Variants in CFAP20DC observed in about 807,000 individuals in gnomAD.
CFAP20DC encodes CFAP20 domain containing, also known as protein CFAP20DC.
A neutral mutation model predicts 101.7 loss-of-function variants in CFAP20DC; 84 were observed. The observed-to-expected ratio is 0.83, with a 90% confidence interval of 0.69 to 0.99. CFAP20DC has a LOEUF of 0.99. Ranked by LOEUF, CFAP20DC falls within the 50% of genes least tolerant of loss-of-function variation. The pLI is 0.00. For synonymous variants in CFAP20DC, 359 were observed against 351.2 expected (o/e 1.02, Z -0.25); for missense variants, 1,007 against 970.3 (o/e 1.04, Z -0.50).
chr3:58,805,338 C>T (rs1020605175), intron 15 of CFAP20DC, among the ~76,000 whole-genome samples: 2 of 152,300 alleles, frequency 1.3e-5, no homozygotes, highest in Middle Eastern at 3.4e-3. Flanking sequence ...TGCCTGGCTG[C>T]CTCTTGCCTT....
chr3:58,865,929 T>C lies in CFAP20DC; in HGVS notation c.1258+637A>G, dbSNP rs559525179. On this transcript the variant is annotated intron_variant, in intron 11 of 16. Transcript: ENST00000482387. The stretch of plus-strand genomic sequence containing the variant: ...TCAAGTATTTCCATATCAATTGTAA[T>C]GAATAATTTGGTGTGTTTTCTTAGA... Among the ~76,000 whole-genome samples the C allele has an allele frequency of 3.1e-4, 47 of 152,304 alleles. 2 individuals carry two copies. The South Asian group carries it at 9.5e-3, about 31-fold the overall frequency.
intron 4 of CFAP20DC, among the ~76,000 whole-genome samples, chr3:59,035,665 G>A (rs2094086682): frequency 1.3e-5 from 2 of 152,080 alleles, no homozygotes; most frequent in African/African-American, 4.8e-5. Context: ...GAATCCCTGA[G>A]TAGACTAATA....
chr3:58,754,771 C>T (rs1350161471), intron 15 of CFAP20DC, among the ~76,000 whole-genome samples: 2 of 152,162 alleles, frequency 1.3e-5, no homozygotes, highest in African/African-American at 2.4e-5. Flanking sequence ...GCTCTGCAGG[C>T]CAGTTCCAGC....
chr3:58,910,671 G>T (rs2084057525), intron 6 of CFAP20DC, among the ~76,000 whole-genome samples: 1 of 151,980 alleles, frequency 6.6e-6, no homozygotes, highest in Admixed American at 6.6e-5. Flanking sequence ...TTATATTTCT[G>T]TTTCTTCTAG....
chr3:58,893,863 AAAAG>A (rs1576185534), intron 6 of CFAP20DC, among the ~76,000 whole-genome samples: 2 of 152,086 alleles, frequency 1.3e-5, no homozygotes, highest in East Asian at 3.9e-4. Flanking sequence ...GGCAATTTAT[AAAAG>A]AAAGAGGTTT....
At chr3:58,879,406 T>C (rs2081049812) in intron 7 of CFAP20DC, among the ~76,000 whole-genome samples, 1 of 152,190 alleles carries the variant, frequency 6.6e-6, no homozygotes, top group African/African-American at 2.4e-5. Context: ...ATGTAAAGGG[T>C]TCAGTGCTTA....
At chr3:58,845,202 C>A (rs1488831147) in intron 13 of CFAP20DC, among the ~76,000 whole-genome samples, 1 of 150,112 alleles carries the variant, frequency 6.7e-6, no homozygotes, top group African/African-American at 2.4e-5. Flanking sequence ...AAAAACCCTT[C>A]AAAAAATTAA....
At chr3:58,993,492 T>G (rs1029243492) in intron 4 of CFAP20DC, among the ~76,000 whole-genome samples, 1 of 152,240 alleles carries the variant, frequency 6.6e-6, no homozygotes, top group Non-Finnish European at 1.5e-5. Context: ...TAGGTAAACG[T>G]GTGTCATGGT....
intron 14 of CFAP20DC, among the ~76,000 whole-genome samples, chr3:58,830,515 A>G (rs1441786613): frequency 6.6e-6 from 1 of 152,028 alleles, no homozygotes; most frequent in Non-Finnish European, 1.5e-5. Context: ...TGAGATTTCC[A>G]AGATCTACAA....
At chr3:58,765,617 G>A (rs766635539) in intron 15 of CFAP20DC, among the ~76,000 whole-genome samples, 20 of 151,596 alleles carry the variant, frequency 1.3e-4, no homozygotes, top group East Asian at 3.9e-4. Flanking sequence ...ATTATTTGGC[G>A]TAGTCACTAT....
At chr3:58,947,827 A>G (rs2089557731) in intron 4 of CFAP20DC, among the ~76,000 whole-genome samples, 1 of 152,234 alleles carries the variant, frequency 6.6e-6, no homozygotes, top group South Asian at 2.1e-4. Context: ...AGGCAATATA[A>G]GAATGTACTA....
intron 4 of CFAP20DC, among the ~76,000 whole-genome samples, chr3:58,999,443 G>A (rs1251729596): frequency 6.6e-6 from 1 of 152,174 alleles, no homozygotes; most frequent in Non-Finnish European, 1.5e-5. Flanking sequence ...CTATCTGAAT[G>A]TAACAAGAGT....
intron 14 of CFAP20DC, among the ~76,000 whole-genome samples, chr3:58,818,990 C>A (rs1284083224): frequency 6.6e-6 from 1 of 151,070 alleles, no homozygotes; most frequent in Non-Finnish European, 1.5e-5. Flanking sequence ...AAGAATCTCA[C>A]TCAAACCCGC....
chr3:59,047,098 C>G, intron 2 of CFAP20DC, 67 bp downstream of exon 2: 1 of 1,051,486 alleles, frequency 9.5e-7, no homozygotes, highest in African/African-American at 1.6e-5. Flanking sequence ...TGATCACGCC[C>G]TTTCTTCTAT....
At chr3:59,003,006 A>G (rs2093349701) in intron 4 of CFAP20DC, among the ~76,000 whole-genome samples, 1 of 152,212 alleles carries the variant, frequency 6.6e-6, no homozygotes, top group African/African-American at 2.4e-5. Context: ...CTACAGTTAT[A>G]TGATGAATCT....
chr3:58,735,802 T>C (rs1360897040), intron 3 of CFAP20DC, among the ~76,000 whole-genome samples: 6 of 152,168 alleles, frequency 3.9e-5, no homozygotes, highest in Non-Finnish European at 5.9e-5. Context: ...CAAAAATGTA[T>C]TAAAAATGCA....
chr3:58,763,734 G>T (rs1575582809), intron 15 of CFAP20DC, among the ~76,000 whole-genome samples: 1 of 152,146 alleles, frequency 6.6e-6, no homozygotes, highest in East Asian at 1.9e-4. Context: ...TGTCCTTTCT[G>T]TTTGTTAGTT....
rs556227537 is a variant in CFAP20DC, at chr3:58,967,366, A to T, written c.279-29604T>A. On this transcript the variant is annotated intron_variant, in intron 4 of 16. Coordinates refer to ENST00000482387, the MANE Select transcript of CFAP20DC (RefSeq NM_001394063.1). ...TCACATCATATACACAAATTAACTCAAAATGGATCAAAGGCCTACATTTAA... is the reference window on the plus strand; with the variant it reads ...TCACATCATATACACAAATTAACTCTAAATGGATCAAAGGCCTACATTTAA... Among the ~76,000 whole-genome samples, 8 of 152,350 alleles carry T rather than the reference A, an allele frequency of 5.3e-5. No homozygotes were observed. The East Asian group carries it at 1.3e-3, about 26-fold the overall frequency.
chr3:58,741,489 T>C (rs569002139), downstream of CFAP20DC, among the ~76,000 whole-genome samples: 2 of 151,934 alleles, frequency 1.3e-5, no homozygotes, highest in African/African-American at 4.8e-5. Flanking sequence ...TCAGAGATAA[T>C]TGTCAAAATA....
Sources: gnomAD v4.1 joint callset for allele counts (sites outside exome capture counted in the v4.1 genomes callset) on GRCh38, gnomAD v4.1.1 for gene constraint, MANE v1.5 for transcripts, NCBI Gene and HGNC (gene_info 2026-07-23, HGNC 2026-07-21) for gene names.